GPATCH3: variants seen among roughly 807,000 people sequenced by gnomAD.
GPATCH3 encodes G-patch domain containing 3, also known as G patch domain-containing protein 3.
GPATCH3 carries 45 observed loss-of-function variants against 53.2 expected under a neutral mutation model. The observed-to-expected ratio is 0.85, with a 90% CI of 0.67 to 1.08. The LOEUF (loss-of-function observed/expected upper bound fraction) is 1.08. GPATCH3 is among the 50% of genes least tolerant of loss of function. The pLI is 0.00. For missense variants in GPATCH3, 680 were observed against 687.2 expected (o/e 0.99, Z 0.12); for synonymous variants, 280 against 270.6 (o/e 1.03, Z -0.34).
chr1:26,892,496 C>T lies in GPATCH3; in HGVS notation c.1276G>A (p.Gly426Ser), dbSNP rs756744515. ...KVMERQGWAE[G>S]QGLGCRCSGV... Reference sequence around the variant, plus strand: ...GAGCACCTGCAGCCCAGGCCCTGGCCCTCAGCCCAGCCCTGCCGCTCCATC... The same window carrying T: ...GAGCACCTGCAGCCCAGGCCCTGGCTCTCAGCCCAGCCCTGCCGCTCCATC... Residue 426 changes from glycine to serine, a missense_variant, in exon 6 of 7, where the codon GGC becomes AGC. Transcript: ENST00000361720. 1 of 1,613,946 alleles carries T rather than the reference C, an allele frequency of 6.2e-7. No homozygotes were observed. The highest frequency in any genetic ancestry group is 8.5e-7 in the Non-Finnish European group (1 of 1,179,932).
At position 26,890,609 on chromosome 1, in the gene GPATCH3, C is replaced by T. The variant is rs757105668; in HGVS notation, c.*401G>A. 1.6e-5 allele frequency: 6 copies of T among 374,678 alleles called. No individual in the cohort carries two copies. The highest frequency in any genetic ancestry group is 3.2e-5 in the Non-Finnish European group (6 of 189,222). 23.2% of individuals were successfully genotyped at this position (374,678 alleles called of 1,614,324 possible). A position where few individuals can be genotyped will look rare whatever the true frequency, so the allele number is the denominator to read the frequency against. On this transcript the variant is annotated 3_prime_UTR_variant, in exon 7 of 7. Transcript: ENST00000361720. The stretch of plus-strand genomic sequence containing the variant: ...CGGTGGAGGGCCCACCCAAGGCCGG[C>T]TCTTCCAAGCACCACAAATCCTCTC...
chr1:26,890,763 A>G lies in GPATCH3; in HGVS notation c.*247T>C. ...TCTGCAGGAGGCAAAGGGCAAGCCC[A>G]GAGATTAGGGTTAGAGACCAAAGAC... is the stretch of plus-strand genomic sequence containing the variant. On this transcript the variant is annotated 3_prime_UTR_variant, in exon 7 of 7. Coordinates refer to ENST00000361720, the MANE Select transcript of GPATCH3 (RefSeq NM_022078.3). The G allele has an allele frequency of 1.4e-6, 1 of 721,578 alleles. No individual in the cohort carries two copies. The highest frequency in any genetic ancestry group is 2.6e-6 in the Non-Finnish European group (1 of 383,898). 44.7% of individuals were successfully genotyped at this position (721,578 alleles called of 1,614,324 possible).
At chr1:26,892,889 T>C in intron 4 of GPATCH3, 98 bp from the exon 5 acceptor site, 5 of 1,442,010 alleles carry the variant, frequency 3.5e-6, no homozygotes, top group Non-Finnish European at 4.8e-6. Flanking sequence ...TTATTCATTT[T>C]AATAGTGTTC....
Position 26,900,191 on chromosome 1 carries a change from G to A in GPATCH3, c.252C>T (p.Thr84=), listed in dbSNP as rs1275713305. Residue 84 remains threonine, a synonymous_variant, in exon 1 of 7, where the codon ACC becomes ACT. Coordinates refer to ENST00000361720, the MANE Select transcript of GPATCH3 (RefSeq NM_022078.3). ...CTCGAGTGGAGAGAGGCCGGACATC[G>A]GTGGCCGAAGTCTGAGAGAGAAGCT... ...EGQLLSQTSA[T]DVRPLSTRDS... 1 of 1,614,188 alleles carries A rather than the reference G, an allele frequency of 6.2e-7. No homozygotes were observed. The highest frequency in any genetic ancestry group is 1.1e-5 in the South Asian group (1 of 91,088).
At chr1:26,894,444 T>TC (rs766893371) in intron 2 of GPATCH3, 34 bp from the exon 3 acceptor site, 1 of 1,606,358 alleles carries the variant, frequency 6.2e-7, no homozygotes, top group African/African-American at 1.3e-5. Context: ...TGCCTGAGCT[T>TC]CCTGACCTCA....
At chr1:26,892,313 C>T in intron 6 of GPATCH3, 98 bp downstream of exon 6, 12 of 1,426,550 alleles carry the variant, frequency 8.4e-6, no homozygotes, top group Admixed American at 1.8e-5. Flanking sequence ...TCATCCCGCA[C>T]GAGTACCCAG....
Position 26,897,338 on chromosome 1 carries a change from ACTT to A in GPATCH3, c.836_838del (p.Glu279del). 1 of 1,613,878 alleles carries A rather than the reference ACTT, an allele frequency of 6.2e-7. No individual in the cohort carries two copies. The highest frequency in any genetic ancestry group is 8.5e-7 in the Non-Finnish European group (1 of 1,179,980). On this transcript the variant is annotated inframe_deletion, in exon 2 of 7. Coordinates refer to ENST00000361720, the MANE Select transcript of GPATCH3 (RefSeq NM_022078.3). The stretch of plus-strand genomic sequence containing the variant: ...AGACTCTTCTTCCTCTTCCTTCCCC[ACTT>A]CTTCCTCAGGCTCTCCACAGGGGCT...
chr1:26,899,372 A>T (rs931107536), intron 1 of GPATCH3, among the ~76,000 whole-genome samples: 4 of 152,236 alleles, frequency 2.6e-5, no homozygotes, highest in African/African-American at 9.6e-5. Context: ...CGCCTACTAA[A>T]TACAGAGTGC....
chr1:26,893,307 G>C, intron 4 of GPATCH3, 82 bp downstream of exon 4: 1 of 1,112,868 alleles, frequency 9.0e-7, no homozygotes, highest in Non-Finnish European at 1.4e-6. Flanking sequence ...CCCTGTCTCA[G>C]CCTTTGCTAG....
chr1:26,896,976 C>T (rs1377604336), intron 2 of GPATCH3, among the ~76,000 whole-genome samples: 5 of 150,360 alleles, frequency 3.3e-5, no homozygotes, highest in South Asian at 2.1e-4. Context: ...GAGCCGAGAT[C>T]GTGCCACTGC....
chr1:26,893,298 CCT>C (rs1256152281), intron 4 of GPATCH3, 89 bp downstream of exon 4: 11 of 1,022,992 alleles, frequency 1.1e-5, no homozygotes, highest in African/African-American at 1.6e-5. Flanking sequence ...GGAACGGTAC[CCT>C]GTCTCAGCCT....
intron 2 of GPATCH3, among the ~76,000 whole-genome samples, chr1:26,896,086 A>C (rs2124024738): frequency 6.6e-6 from 1 of 152,362 alleles, no homozygotes; most frequent in African/African-American, 2.4e-5. Context: ...TAATGAAGTG[A>C]GAGTGGAGGC....
chr1:26,897,334 C>T lies in GPATCH3; in HGVS notation c.843G>A (p.Gly281=). The T allele has an allele frequency of 6.2e-7, 1 of 1,614,174 alleles. No individual in the cohort carries two copies. Among genetic ancestry groups the T allele is most frequent in the Non-Finnish European group, 8.5e-7 (1 of 1,180,028 alleles). Residue 281 remains glycine, a synonymous_variant, in exon 2 of 7, where the codon GGG becomes GGA. Transcript: ENST00000361720. ...SPCGEPEEEV[G]KEEEEESHSD... ...AGTGAGACTCTTCTTCCTCTTCCTT[C>T]CCCACTTCTTCCTCAGGCTCTCCAC... is the stretch of plus-strand genomic sequence containing the variant.
At chr1:26,892,868 G>T in intron 4 of GPATCH3, 77 bp from the exon 5 acceptor site, 1 of 1,541,954 alleles carries the variant, frequency 6.5e-7, no homozygotes, top group Non-Finnish European at 8.9e-7. Context: ...GGACCCCCTC[G>T]TAAGATTGAC....
Position 26,892,757 on chromosome 1 carries a change from T to C in GPATCH3, c.1146A>G (p.Gln382=), listed in dbSNP as rs1557659428. ...GGDKDARDSV[Q]MRLEQRLRDG... ...CTCGGAGTCTCTGTTCCAGACGCAT[T>C]TGGACAGAGTCTCGGGCATCCTTGT... is the stretch of plus-strand genomic sequence containing the variant. Residue 382 remains glutamine, a synonymous_variant, in exon 5 of 7, where the codon CAA becomes CAG. Transcript: ENST00000361720. 4 of 1,613,964 alleles carry C rather than the reference T, an allele frequency of 2.5e-6. No homozygotes were observed. The Admixed American group carries it at 5.0e-5, about 20-fold the overall frequency.
chr1:26,900,341 G>A lies in GPATCH3; in HGVS notation c.102C>T (p.Ser34=). 6.2e-7 allele frequency: 1 copy of A among 1,614,088 alleles called. No homozygotes were observed. The highest frequency in any genetic ancestry group is 8.5e-7 in the Non-Finnish European group (1 of 1,180,034). ...LRSAHLRSYF[S]QFREERGGGF... is the part of the protein sequence containing the mutation. ...CACCGCCGCGCTCTTCTCGGAACTGGCTAAAATAGCTCCGTAAATGGGCCG... is the reference window on the plus strand; with the variant it reads ...CACCGCCGCGCTCTTCTCGGAACTGACTAAAATAGCTCCGTAAATGGGCCG... Residue 34 remains serine, a synonymous_variant, in exon 1 of 7, where the codon AGC becomes AGT. Coordinates refer to ENST00000361720, the MANE Select transcript of GPATCH3 (RefSeq NM_022078.3).
chr1:26,896,659 C>A (rs1293096874), intron 2 of GPATCH3, among the ~76,000 whole-genome samples: 1 of 150,710 alleles, frequency 6.6e-6, no homozygotes, highest in Non-Finnish European at 1.5e-5. Context: ...CGAGATCGCA[C>A]CACTTCACTC....
chr1:26,897,306 C>T lies in GPATCH3; in HGVS notation c.871G>A (p.Asp291Asn). 1.9e-6 allele frequency: 3 copies of T among 1,613,960 alleles called. No individual in the cohort carries two copies. Among genetic ancestry groups the T allele is most frequent in the Non-Finnish European group, 1.7e-6 (2 of 1,179,898 alleles). ...GGGTAGCACACTGTACTCACCTCAT[C>T]TGAGTGAGACTCTTCTTCCTCTTCC... Reference protein sequence around the residue: ...GKEEEEESHSDEDDDRGEEWE... With the variant: ...GKEEEEESHSNEDDDRGEEWE... Residue 291 changes from aspartate (D) to asparagine (N), a missense_variant, in exon 2 of 7, where the codon GAT (aspartate) becomes AAT (asparagine). By Grantham distance (23) the Asp-to-Asn change is conservative. Transcript: ENST00000361720.
intron 2 of GPATCH3, 48 bp from the exon 3 acceptor site, chr1:26,894,458 C>A (rs746296896): frequency 2.7e-5 from 43 of 1,582,000 alleles, no homozygotes; most frequent in Non-Finnish European, 3.5e-5. Flanking sequence ...GACCTCATGC[C>A]CCGAGGGAGG....
Sources: allele counts gnomAD v4.1 joint callset (sites outside exome capture counted in the v4.1 genomes callset), GRCh38; gene constraint gnomAD v4.1.1; transcripts MANE v1.5; gene names NCBI Gene and HGNC (gene_info 2026-07-23, HGNC 2026-07-21).